Variants in DTNBP1 observed in about 807,000 individuals in gnomAD.
The protein encoded by DTNBP1 is dystrobrevin binding protein 1.
Under a neutral mutation model 42.8 loss-of-function variants are expected in DTNBP1, and 35 were observed. The observed-to-expected ratio is 0.82, with a 90% CI of 0.63 to 1.09. The LOEUF is 1.09. Among genes scored for constraint, DTNBP1 ranks in the 50% least tolerant of loss-of-function variants. The probability of loss-of-function intolerance (pLI) is 0.00; values close to 1 mark genes in which losing one functional copy is unlikely to be tolerated. For missense variants in DTNBP1, 457 were observed against 424.2 expected, an observed-to-expected ratio of 1.08 and a Z score of -0.68; for synonymous variants, 171 against 162.2, an observed-to-expected ratio of 1.05 and a Z score of -0.41.
intron 3 of DTNBP1, among the ~76,000 whole-genome samples, chr6:15,642,008 A>AG (rs529702423): frequency 7.9e-5 from 12 of 152,176 alleles, no homozygotes; most frequent in Admixed American, 3.9e-4. Context: ...TCTCTCTGCC[A>AG]GGGGCCAGCA....
chr6:15,550,722 G>T (rs912658898), intron 7 of DTNBP1, among the ~76,000 whole-genome samples: 3 of 152,156 alleles, frequency 2.0e-5, no homozygotes, highest in Non-Finnish European at 4.4e-5. Flanking sequence ...AGCTGTCTTG[G>T]TCCCCTCCCT....
At chr6:15,576,762 C>CT (rs1775592272) in intron 7 of DTNBP1, among the ~76,000 whole-genome samples, 1 of 136,628 alleles carries the variant, frequency 7.3e-6, no homozygotes, top group Admixed American at 7.7e-5. Flanking sequence ...GAGCACAACT[C>CT]TGTCTCTAAA....
chr6:15,567,485 CAAA>C (rs1474566071), intron 7 of DTNBP1, among the ~76,000 whole-genome samples: 23 of 150,218 alleles, frequency 1.5e-4, no homozygotes, highest in African/African-American at 3.0e-4. Flanking sequence ...AACAAACAAA[CAAA>C]CAAACAAACC....
chr6:15,632,766 T>C (rs1759763306), intron 4 of DTNBP1, among the ~76,000 whole-genome samples: 1 of 152,220 alleles, frequency 6.6e-6, no homozygotes, highest in Non-Finnish European at 1.5e-5. Flanking sequence ...GTCAATTGCA[T>C]GTAAAAGATT....
rs561868389 is a variant in DTNBP1 at position 15,587,305 on chromosome 6, T to G, written c.511+5754A>C. Among the ~76,000 whole-genome samples the G allele has an allele frequency of 2.0e-5, 3 of 152,168 alleles. No homozygotes were observed. The highest frequency in any genetic ancestry group is 2.9e-5 in the Non-Finnish European group (2 of 68,034). ...CATGGATTGAAAGACTCACTATCAT[T>G]AAGATGACAATTTTCCCCAAATTGA... On this transcript the variant is annotated intron_variant, in intron 7 of 9. Coordinates refer to ENST00000344537, the MANE Select transcript of DTNBP1 (RefSeq NM_032122.5). The surrounding 1 kb of genome is among the most constrained non-coding windows in gnomAD (Gnocchi z 4.1).
In DTNBP1 at chr6:15,523,214, C is replaced by A; in HGVS notation, c.817G>T (p.Glu273Ter). 1 of 1,614,136 alleles carries A rather than the reference C, an allele frequency of 6.2e-7. No homozygotes were observed. The highest frequency in any genetic ancestry group is 1.7e-5 in the Admixed American group (1 of 60,030). ...NTVLSPALGP[E>*]SSTCQNEITL... ...ATCTCATTCTGACAGGTACTGGATT[C>A]AGGCCCTGCAAAATAACGTAGGGAA... The change falls in exon 10 of 10, where the codon GAA (glutamate) becomes TAA (stop). Residue 273 changes from glutamate (E) to a stop codon, truncating the protein, a stop_gained. Coordinates refer to ENST00000344537, the MANE Select transcript of DTNBP1 (RefSeq NM_032122.5). LOFTEE classifies it low-confidence loss of function (END_TRUNC).
At chr6:15,637,886 T>C in intron 3 of DTNBP1, 82 bp from the exon 4 acceptor site, 1 of 1,415,554 alleles carries the variant, frequency 7.1e-7, no homozygotes, top group Non-Finnish European at 9.9e-7. Flanking sequence ...TGGAATATCC[T>C]GTGGTGCTAG....
chr6:15,556,506 G>C (rs1318825517), intron 7 of DTNBP1, among the ~76,000 whole-genome samples: 1 of 152,162 alleles, frequency 6.6e-6, no homozygotes, highest in African/African-American at 2.4e-5. Flanking sequence ...AACTTGCCTT[G>C]TGCTCTTTGC....
At chr6:15,652,710 C>T (rs1366777447) in intron 1 of DTNBP1, among the ~76,000 whole-genome samples, 1 of 152,102 alleles carries the variant, frequency 6.6e-6, no homozygotes, top group African/African-American at 2.4e-5. Context: ...TTACTGTAAC[C>T]TCAAACTCTT....
chr6:15,528,657 A>C (rs554844073), intron 8 of DTNBP1, among the ~76,000 whole-genome samples: 1 of 152,354 alleles, frequency 6.6e-6, no homozygotes, highest in South Asian at 2.1e-4. Flanking sequence ...ATGTAATCAG[A>C]ATGTGCATAT....
At chr6:15,578,470 C>T (rs1369709525) in intron 7 of DTNBP1, among the ~76,000 whole-genome samples, 2 of 152,122 alleles carry the variant, frequency 1.3e-5, no homozygotes, top group African/African-American at 2.4e-5. Flanking sequence ...CATTCAGCTG[C>T]TCGGGGGCAT....
At chr6:15,527,455 T>A (rs1012132142) in intron 8 of DTNBP1, among the ~76,000 whole-genome samples, 3 of 152,156 alleles carry the variant, frequency 2.0e-5, no homozygotes, top group Non-Finnish European at 4.4e-5. Flanking sequence ...AAATCAAATA[T>A]GAAATGCTAA....
At chr6:15,548,249 A>G (rs1487773480) in intron 7 of DTNBP1, 1 of 152,220 alleles carries the variant, frequency 6.6e-6, no homozygotes, top group African/African-American at 2.4e-5. Context: ...TTAATCAAAA[A>G]CTTCCCAACC....
At chr6:15,567,677 T>C (rs1329993282) in intron 7 of DTNBP1, among the ~76,000 whole-genome samples, 2 of 152,224 alleles carry the variant, frequency 1.3e-5, no homozygotes, top group Admixed American at 6.5e-5. Context: ...TTGATGCTTA[T>C]ATTTCCCTAA....
intron 7 of DTNBP1, among the ~76,000 whole-genome samples, chr6:15,555,761 C>A (rs1317938957): frequency 1.3e-5 from 2 of 152,146 alleles, no homozygotes. Context: ...CAAGAAATAA[C>A]CATAAAAATA....
chr6:15,661,980 T>C (rs779811887), intron 1 of DTNBP1, among the ~76,000 whole-genome samples: 2 of 152,146 alleles, frequency 1.3e-5, no homozygotes, highest in Non-Finnish European at 2.9e-5. Context: ...CCAGGATGCC[T>C]AGGCAATCTG....
intron 7 of DTNBP1, among the ~76,000 whole-genome samples, chr6:15,585,527 T>C (rs1248711956): frequency 6.6e-6 from 1 of 152,096 alleles, no homozygotes; most frequent in African/African-American, 2.4e-5. Flanking sequence ...TACTTGTTGG[T>C]AATAGAAAGA....
chr6:15,572,468 C>T (rs555345017), intron 7 of DTNBP1, among the ~76,000 whole-genome samples: 1 of 152,300 alleles, frequency 6.6e-6, no homozygotes, highest in East Asian at 1.9e-4. Context: ...AGACAAGAAA[C>T]CAAACAATGG....
At chr6:15,532,309 T>C (rs1437934189) in intron 8 of DTNBP1, among the ~76,000 whole-genome samples, 1 of 152,048 alleles carries the variant, frequency 6.6e-6, no homozygotes, top group Non-Finnish European at 1.5e-5. Context: ...GAAGAAGGAG[T>C]TCGGTGTCTG....
Sources: allele counts gnomAD v4.1 joint callset (sites outside exome capture counted in the v4.1 genomes callset), GRCh38; gene constraint gnomAD v4.1.1; non-coding constraint Gnocchi (gnomAD v3.1); transcripts MANE v1.5; gene names NCBI Gene and HGNC (gene_info 2026-07-23, HGNC 2026-07-21).